MAP2K6: variants seen among roughly 807,000 people sequenced by gnomAD.
The protein encoded by MAP2K6 is dual specificity mitogen-activated protein kinase kinase 6.
MAP2K6 carries 16 observed loss-of-function variants against 53.7 expected under a neutral mutation model. The observed-to-expected ratio is 0.30, with a 90% CI of 0.20 to 0.45. The LOEUF is 0.45. Among genes scored for constraint, MAP2K6 ranks in the 20% least tolerant of loss-of-function variants. MAP2K6 has a pLI of 1.00. For missense variants in MAP2K6, 204 were observed against 411.9 expected, an observed-to-expected ratio of 0.50 and a Z score of 4.37; for synonymous variants, 132 against 143.1, an observed-to-expected ratio of 0.92 and a Z score of 0.55.
chr17:69,451,081 G>A (rs1264628975), intron 1 of MAP2K6, among the ~76,000 whole-genome samples: 1 of 152,234 alleles, frequency 6.6e-6, no homozygotes, highest in Non-Finnish European at 1.5e-5. Context: ...CAGAACCTCA[G>A]CGCATCCTGG....
chr17:69,483,744 A>C (rs374494889), intron 1 of MAP2K6, among the ~76,000 whole-genome samples: 1 of 152,136 alleles, frequency 6.6e-6, no homozygotes, highest in Non-Finnish European at 1.5e-5. Flanking sequence ...TGGATTAAGG[A>C]TAGACACAGA....
chr17:69,521,268 C>A, intron 7 of MAP2K6, 168 bp downstream of exon 7: 1 of 510,174 alleles, frequency 2.0e-6, no homozygotes, highest in Non-Finnish European at 3.5e-6. Flanking sequence ...AAGTAGTATT[C>A]CTTATCATGG....
chr17:69,528,859 C>CA lies in MAP2K6; in HGVS notation c.881+2179dup, dbSNP rs58897757. 6.8e-3 allele frequency among the ~76,000 whole-genome samples: 404 copies of CA among 59,128 alleles called. 17 individuals are homozygous for CA. Among genetic ancestry groups the CA allele is most frequent in the African/African-American group, 7.5e-3 (109 of 14,454 alleles). 38.8% of individuals were successfully genotyped at this position (59,128 alleles called of 152,430 possible). A position where few individuals can be genotyped will look rare whatever the true frequency, so the allele number is the denominator to read the frequency against. On this transcript the variant is annotated intron_variant, in intron 10 of 11. Coordinates refer to ENST00000590474, the MANE Select transcript of MAP2K6 (RefSeq NM_002758.4). ...GGGTGATAAGAGAGAGACGCCATCT[C>CA]AAAAAAAAAAAAAAAAAAAAAAAAA... is the stretch of plus-strand genomic sequence containing the variant.
intron 1 of MAP2K6, among the ~76,000 whole-genome samples, chr17:69,453,434 A>G (rs556188176): frequency 7.9e-4 from 121 of 152,334 alleles, no homozygotes; most frequent in African/African-American, 2.8e-3. Flanking sequence ...GGTGTACTTG[A>G]AAAAATGATT....
At chr17:69,486,857 C>G (rs1908558952) in intron 1 of MAP2K6, among the ~76,000 whole-genome samples, 1 of 152,130 alleles carries the variant, frequency 6.6e-6, no homozygotes, top group Non-Finnish European at 1.5e-5. Context: ...GGTGTGGTAC[C>G]CTTCTCAAAC....
chr17:69,489,363 A>G (rs1462546250), intron 1 of MAP2K6, among the ~76,000 whole-genome samples: 1 of 152,244 alleles, frequency 6.6e-6, no homozygotes, highest in African/African-American at 2.4e-5. Flanking sequence ...TAGGTGGAAC[A>G]TTGTTCTGGT....
chr17:69,516,249 G>A (rs900357782), intron 2 of MAP2K6, among the ~76,000 whole-genome samples: 8 of 151,666 alleles, frequency 5.3e-5, no homozygotes, highest in African/African-American at 1.5e-4. Flanking sequence ...ATGGGAGACA[G>A]CAACAGATCA....
At chr17:69,524,864 G>T in intron 8 of MAP2K6, 37 bp from the exon 9 acceptor site, 1 of 1,506,318 alleles carries the variant, frequency 6.6e-7, no homozygotes, top group Non-Finnish European at 9.2e-7. Flanking sequence ...TATCTCAATT[G>T]TCTTCCCAGT....
chr17:69,524,791 T>C (rs1910676675), intron 8 of MAP2K6, 110 bp from the exon 9 acceptor site: 3 of 732,754 alleles, frequency 4.1e-6, no homozygotes, highest in Admixed American at 4.1e-5. Context: ...GTTAACAGCT[T>C]ATAACAACTC....
At chr17:69,513,224 G>A (rs764136441) in intron 2 of MAP2K6, among the ~76,000 whole-genome samples, 3 of 152,104 alleles carry the variant, frequency 2.0e-5, no homozygotes, top group Non-Finnish European at 4.4e-5. Flanking sequence ...AAGGGCCTGC[G>A]GCACAGGCGA....
chr17:69,466,084 C>A (rs950606157), intron 1 of MAP2K6, among the ~76,000 whole-genome samples: 1 of 145,674 alleles, frequency 6.9e-6, no homozygotes, highest in Non-Finnish European at 1.5e-5. Flanking sequence ...ACCAGCCTAG[C>A]CAACATGATG....
Position 69,494,101 on chromosome 17 carries a change from GC to G in MAP2K6, c.17-11678del, listed in dbSNP as rs1045978897. ...TGTGAGTCAATAACAAGGGATAAGA[GC>G]AGCAGAATCCAGTGGAAAAAACTAC... is the stretch of plus-strand genomic sequence containing the variant. On this transcript the variant is annotated intron_variant, in intron 1 of 11. Transcript: ENST00000590474. This position sits in a 1 kb window ranked among gnomAD's most constrained non-coding sequence, Gnocchi z 4.2. 9.6e-4 allele frequency among the ~76,000 whole-genome samples: 146 copies of G among 152,294 alleles called. No homozygotes were observed. In the Middle Eastern group the frequency reaches 0.014, roughly 14 times the overall value.
chr17:69,540,985 C>T (rs749173676), intron 11 of MAP2K6, among the ~76,000 whole-genome samples: 6 of 152,160 alleles, frequency 3.9e-5, no homozygotes, highest in Non-Finnish European at 8.8e-5. Flanking sequence ...TACTGCTGGC[C>T]GGGCATGGTG....
rs533710245 is a variant in MAP2K6 at position 69,548,376 on chromosome 17, C to A, written c.*6623C>A. 5 of 152,306 alleles carry A rather than the reference C, an allele frequency of 3.3e-5. No homozygotes were observed. The East Asian group carries it at 9.6e-4, about 29-fold the overall frequency. 9.4% of individuals were successfully genotyped at this position (152,306 alleles called of 1,614,324 possible). ...CACCTTCTGTTAGGACTTGCACCCT[C>A]TTTGCCATACAGAATGCTATAAAAA... On this transcript the variant is annotated 3_prime_UTR_variant, in exon 12 of 12. Transcript: ENST00000590474.
chr17:69,526,277 C>T (rs534222631), intron 9 of MAP2K6, among the ~76,000 whole-genome samples: 10 of 152,258 alleles, frequency 6.6e-5, no homozygotes, highest in South Asian at 4.1e-4. Flanking sequence ...AAGTTTAATA[C>T]GGTTGGCTTA....
intron 1 of MAP2K6, among the ~76,000 whole-genome samples, chr17:69,424,980 G>A (rs1448633722): frequency 6.6e-6 from 1 of 152,180 alleles, no homozygotes; most frequent in Non-Finnish European, 1.5e-5. Context: ...CTGTTCTGTA[G>A]GTTGTATCAC....
chr17:69,440,056 CT>C (rs570107345), intron 1 of MAP2K6, among the ~76,000 whole-genome samples: 4 of 151,334 alleles, frequency 2.6e-5, no homozygotes, highest in Admixed American at 6.6e-5. Flanking sequence ...TCTGTACTTT[CT>C]TTTTTTTTGA....
Position 69,541,217 on chromosome 17 carries a change from C to T in MAP2K6, c.928-459C>T, listed in dbSNP as rs531711132. ...GGCAGAGTTTGCAGTGAGCCAAGAT[C>T]GCACCACTGCACTCCAGCCTGGGCA... On this transcript the variant is annotated intron_variant, in intron 11 of 11. Transcript: ENST00000590474. Among the ~76,000 whole-genome samples, 8 of 152,196 alleles carry T rather than the reference C, an allele frequency of 5.3e-5. No individual in the cohort carries two copies. The South Asian group carries it at 6.2e-4, about 12-fold the overall frequency.
At chr17:69,523,458 A>C in intron 7 of MAP2K6, 56 bp from the exon 8 acceptor site, 9 of 1,604,310 alleles carry the variant, frequency 5.6e-6, no homozygotes, top group Non-Finnish European at 7.7e-6. Flanking sequence ...GGTGGCAGAG[A>C]AATGAACCTT....
Sources: allele counts gnomAD v4.1 joint callset (sites outside exome capture counted in the v4.1 genomes callset), GRCh38; gene constraint gnomAD v4.1.1; non-coding constraint Gnocchi (gnomAD v3.1); transcripts MANE v1.5; gene names NCBI Gene and HGNC (gene_info 2026-07-23, HGNC 2026-07-21).